Variants in KIAA0825 observed in about 807,000 individuals in gnomAD.
KIAA0825 encodes uncharacterized protein KIAA0825.
A neutral mutation model predicts 147.6 loss-of-function variants in KIAA0825; 119 were observed. That is an observed-to-expected ratio of 0.81 (90% CI 0.69 to 0.94). The LOEUF (loss-of-function observed/expected upper bound fraction) is 0.94, where lower values mean the gene tolerates loss of function less well. KIAA0825 is among the 40% of genes least tolerant of loss of function. KIAA0825 has a pLI of 0.00. For missense variants in KIAA0825, 1,381 were observed against 1,472.7 expected (o/e 0.94, Z 1.02); for synonymous variants, 470 against 518.1 (o/e 0.91, Z 1.26).
intron 14 of KIAA0825, among the ~76,000 whole-genome samples, chr5:94,436,975 T>G (rs2150821553): frequency 6.6e-6 from 1 of 152,302 alleles, no homozygotes; most frequent in South Asian, 2.1e-4. Flanking sequence ...TTTTGTATCC[T>G]AAGACTTTGC....
intron 20 of KIAA0825, among the ~76,000 whole-genome samples, chr5:94,358,075 A>G (rs1744540957): frequency 6.6e-6 from 1 of 152,200 alleles, no homozygotes; most frequent in African/African-American, 2.4e-5. Flanking sequence ...TCATAACGAG[A>G]TCGTCATTTA....
At chr5:94,501,093 G>A (rs1190781921) in intron 5 of KIAA0825, among the ~76,000 whole-genome samples, 2 of 152,164 alleles carry the variant, frequency 1.3e-5, no homozygotes, top group Non-Finnish European at 2.9e-5. Flanking sequence ...AAAAATTAAT[G>A]TAGCACTTTC....
chr5:94,228,120 G>T (rs1774369567), intron 20 of KIAA0825, among the ~76,000 whole-genome samples: 1 of 151,990 alleles, frequency 6.6e-6, no homozygotes, highest in Admixed American at 6.6e-5. Flanking sequence ...AATTCTACTG[G>T]CTATTTTTGA....
intron 13 of KIAA0825, among the ~76,000 whole-genome samples, chr5:94,446,824 A>G (rs893905994): frequency 2.0e-5 from 3 of 152,186 alleles, no homozygotes; most frequent in African/African-American, 7.2e-5. Flanking sequence ...GTTGGAGAAT[A>G]TTATAAATGG....
intron 14 of KIAA0825, among the ~76,000 whole-genome samples, chr5:94,428,805 T>C (rs1268916880): frequency 6.6e-6 from 1 of 152,224 alleles, no homozygotes; most frequent in Non-Finnish European, 1.5e-5. Context: ...GGTTGTTTAC[T>C]TTTTCTCCAT....
At chr5:94,589,234 T>C (rs1368233950) in intron 1 of KIAA0825, among the ~76,000 whole-genome samples, 2 of 152,172 alleles carry the variant, frequency 1.3e-5, no homozygotes, top group Non-Finnish European at 2.9e-5. Flanking sequence ...TTAAGTTGAT[T>C]TGGGGTTGGG....
At chr5:94,340,678 A>C (rs1782279905) in intron 20 of KIAA0825, among the ~76,000 whole-genome samples, 1 of 99,132 alleles carries the variant, frequency 1.0e-5, no homozygotes, top group Admixed American at 9.7e-5. Context: ...GAAAAAGCTC[A>C]TGATACATAT....
At position 94,435,747 on chromosome 5, in the gene KIAA0825, A is replaced by T. The variant is rs114697693; in HGVS notation, c.2497+4235T>A. Among the ~76,000 whole-genome samples, 442 of 152,276 alleles carry T rather than the reference A, an allele frequency of 2.9e-3. 7 individuals carry two copies. Among genetic ancestry groups the T allele is most frequent in the African/African-American group, 9.8e-3 (406 of 41,540 alleles). ...AATTTATGCTTCCACCAACAGGGAA[A>T]ATTGCTCCTTTTTCTCCACAACCTT... On this transcript the variant is annotated intron_variant, in intron 14 of 20. Coordinates refer to ENST00000682413, the MANE Select transcript of KIAA0825 (RefSeq NM_001145678.3).
intron 1 of KIAA0825, among the ~76,000 whole-genome samples, chr5:94,595,091 A>G (rs1470606834): frequency 1.3e-5 from 2 of 152,000 alleles, no homozygotes; most frequent in Non-Finnish European, 2.9e-5. Context: ...TGGCAGATCT[A>G]CCATTCTGGG....
At chr5:94,604,777 G>T (rs150384901) in intron 1 of KIAA0825, among the ~76,000 whole-genome samples, 101 of 152,244 alleles carry the variant, frequency 6.6e-4, no homozygotes, top group African/African-American at 2.3e-3. Flanking sequence ...AGCACTAAAT[G>T]CCTACATCAA....
intron 20 of KIAA0825, among the ~76,000 whole-genome samples, chr5:94,236,505 A>C (rs1490431275): frequency 6.6e-6 from 1 of 152,234 alleles, no homozygotes; most frequent in Non-Finnish European, 1.5e-5. Flanking sequence ...TAAACACTTA[A>C]AAAGACAACA....
At chr5:94,212,887 T>C (rs1772842689) in intron 20 of KIAA0825, among the ~76,000 whole-genome samples, 1 of 152,160 alleles carries the variant, frequency 6.6e-6, no homozygotes, top group African/African-American at 2.4e-5. Context: ...TCACAAGACA[T>C]GTAAAAATGC....
chr5:94,336,951 A>G (rs1480575397), intron 20 of KIAA0825, among the ~76,000 whole-genome samples: 1 of 152,230 alleles, frequency 6.6e-6, no homozygotes, highest in Non-Finnish European at 1.5e-5. Context: ...GCCATTAAAT[A>G]AGTATCAATA....
intron 20 of KIAA0825, among the ~76,000 whole-genome samples, chr5:94,181,419 T>C (rs910577086): frequency 6.6e-6 from 1 of 152,226 alleles, no homozygotes; most frequent in Non-Finnish European, 1.5e-5. Context: ...TGCTCTTGTT[T>C]CCATTCCCTT....
At chr5:94,441,886 C>A (rs753042563) in intron 13 of KIAA0825, among the ~76,000 whole-genome samples, 2 of 152,162 alleles carry the variant, frequency 1.3e-5, no homozygotes, top group African/African-American at 2.4e-5. Flanking sequence ...CATTCTCTAT[C>A]CCTGTGAAGT....
intron 20 of KIAA0825, among the ~76,000 whole-genome samples, chr5:94,267,483 G>C (rs1776785680): frequency 6.6e-6 from 1 of 152,096 alleles, no homozygotes; most frequent in Admixed American, 6.5e-5. Context: ...AGACAATGGG[G>C]AGTGAAACCG....
intron 1 of KIAA0825, among the ~76,000 whole-genome samples, chr5:94,590,050 C>T (rs143833819): frequency 0.016 from 2,465 of 152,046 alleles, 70 homozygotes; most frequent in African/African-American, 0.055. Flanking sequence ...AGTGGAGTGG[C>T]GCAATCTTGG....
At chr5:94,527,511 T>G (rs761092422) in intron 3 of KIAA0825, among the ~76,000 whole-genome samples, 1 of 151,964 alleles carries the variant, frequency 6.6e-6, no homozygotes, top group African/African-American at 2.4e-5. Context: ...ATACAAAAAA[T>G]TTTTATTTCT....
chr5:94,443,421 C>T (rs1022663391), intron 13 of KIAA0825, among the ~76,000 whole-genome samples: 3 of 151,326 alleles, frequency 2.0e-5, no homozygotes, highest in Non-Finnish European at 4.4e-5. Context: ...TGAATTCCAC[C>T]GTAATACAAA....
Sources: allele counts gnomAD v4.1 joint callset (sites outside exome capture counted in the v4.1 genomes callset), GRCh38; gene constraint gnomAD v4.1.1; transcripts MANE v1.5; gene names NCBI Gene and HGNC (gene_info 2026-07-23, HGNC 2026-07-21).